Variants in ARHGAP8 observed in about 807,000 individuals in gnomAD.
ARHGAP8 encodes the protein rho GTPase-activating protein 8.
A neutral mutation model predicts 46.1 loss-of-function variants in ARHGAP8; 62 were observed. The ratio of observed to expected loss-of-function variants is 1.34; its 90% CI spans 1.10 to 1.66. ARHGAP8 has a LOEUF of 1.66. ARHGAP8 is among the 40% of genes most tolerant of loss of function. The probability of loss-of-function intolerance (pLI) is 0.00; values close to 1 mark genes in which losing one functional copy is unlikely to be tolerated. For missense variants in ARHGAP8, 923 were observed against 568.4 expected (o/e 1.62, Z -6.34); for synonymous variants, 375 against 243.1 (o/e 1.54, Z -5.05).
At chr22:44,843,373 C>G (rs1463006031) in intron 7 of ARHGAP8, among the ~76,000 whole-genome samples, 3 of 152,022 alleles carry the variant, frequency 2.0e-5, no homozygotes, top group East Asian at 3.8e-4. Flanking sequence ...GGGATCCTCA[C>G]AAAGGAATGA....
rs142745837 is a variant in ARHGAP8 at position 44,794,515 on chromosome 22, C to T, written c.80-7562C>T. 8.0e-3 allele frequency among the ~76,000 whole-genome samples: 1,216 copies of T among 152,138 alleles called. 20 individuals are homozygous for T. Among genetic ancestry groups the T allele is most frequent in the African/African-American group, 0.028 (1,170 of 41,480 alleles). ...CATGAAGTCAGGAGTTCGAGACCAGCCTGGCCAACATGGCGAAACCTCATC... is the reference window on the plus strand; with the variant it reads ...CATGAAGTCAGGAGTTCGAGACCAGTCTGGCCAACATGGCGAAACCTCATC... On this transcript the variant is annotated intron_variant, in intron 2 of 11. Transcript: ENST00000356099.
intron 1 of ARHGAP8, among the ~76,000 whole-genome samples, chr22:44,758,469 G>T (rs1450475238): frequency 6.6e-6 from 1 of 152,176 alleles, no homozygotes. Context: ...TGGGGGCTCC[G>T]TGAATCCCCA....
At chr22:44,814,844 T>A in intron 5 of ARHGAP8, 86 bp downstream of exon 5, 1 of 1,476,432 alleles carries the variant, frequency 6.8e-7, no homozygotes, top group Middle Eastern at 1.9e-4. Context: ...TATCCACGCA[T>A]CATGGAGGGC....
At chr22:44,796,347 G>A (rs1297230340) in intron 2 of ARHGAP8, among the ~76,000 whole-genome samples, 1 of 152,232 alleles carries the variant, frequency 6.6e-6, no homozygotes, top group Non-Finnish European at 1.5e-5. Context: ...AGCTGATGGT[G>A]GGCTGGGGTG....
chr22:44,784,686 T>C (rs1476361631), intron 1 of ARHGAP8, among the ~76,000 whole-genome samples: 2 of 152,160 alleles, frequency 1.3e-5, no homozygotes, highest in Non-Finnish European at 2.9e-5. Flanking sequence ...ATCCTTAACT[T>C]AATCCCCTCT....
chr22:44,844,256 T>C (rs9614580), intron 7 of ARHGAP8, among the ~76,000 whole-genome samples: 46,904 of 151,952 alleles, frequency 0.31, 8,436 homozygotes, highest in African/African-American at 0.49. Flanking sequence ...AGGCGTGAGC[T>C]ACTGTGCCCG....
At chr22:44,858,744 C>G (rs1451590943) in intron 10 of ARHGAP8, among the ~76,000 whole-genome samples, 2 of 121,386 alleles carry the variant, frequency 1.6e-5, no homozygotes, top group African/African-American at 3.0e-5. Context: ...TGGGGGGTCT[C>G]AGAGTGGGGG....
At chr22:44,801,858 T>G in intron 2 of ARHGAP8, 1 of 579,780 alleles carries the variant, frequency 1.7e-6, no homozygotes, top group South Asian at 2.2e-5. Flanking sequence ...AGTGGGGGGA[T>G]TATTTCCAGC....
chr22:44,806,141 TGAG>T (rs1928904120), intron 3 of ARHGAP8, among the ~76,000 whole-genome samples: 3 of 152,072 alleles, frequency 2.0e-5, no homozygotes, highest in African/African-American at 7.2e-5. Context: ...TCCTGAGAAG[TGAG>T]GAGGAGTGAA....
chr22:44,847,743 T>G (rs1354803715), intron 8 of ARHGAP8, among the ~76,000 whole-genome samples: 1 of 152,226 alleles, frequency 6.6e-6, no homozygotes, highest in Non-Finnish European at 1.5e-5. Flanking sequence ...AGAGCTGGAC[T>G]AGAGCCTAGG....
At chr22:44,838,048 G>A (rs1490604676) in intron 7 of ARHGAP8, among the ~76,000 whole-genome samples, 4 of 152,022 alleles carry the variant, frequency 2.6e-5, no homozygotes, top group East Asian at 1.9e-4. Flanking sequence ...GTCTCAGCTC[G>A]CTGCAGCCTC....
intron 1 of ARHGAP8, among the ~76,000 whole-genome samples, chr22:44,785,059 T>C (rs10854825): frequency 0.9 from 136,975 of 152,042 alleles, 61,867 homozygotes; most frequent in Non-Finnish European, 0.94. Flanking sequence ...CAGGGAGGTG[T>C]GGGAAGCAGC....
At position 44,798,605 on chromosome 22, in the gene ARHGAP8, A is replaced by G. The variant is rs9614573; in HGVS notation, c.80-3472A>G. On this transcript the variant is annotated intron_variant, in intron 2 of 11. Transcript: ENST00000356099. ...GGTTAGAGGTGGACTGAGCGGCCCC[A>G]CAGCCCCTTCCCTGAGGTCCACACC... 5.9e-3 allele frequency among the ~76,000 whole-genome samples: 845 copies of G among 144,154 alleles called. 2 individuals carry two copies. The highest frequency in any genetic ancestry group is 0.011 in the Middle Eastern group (3 of 278). The allele number at this position is 144,154 out of a possible 152,430, so 94.6% of individuals were successfully genotyped here.
At chr22:44,853,655 C>G (rs2070149617) in intron 10 of ARHGAP8, among the ~76,000 whole-genome samples, 1 of 152,202 alleles carries the variant, frequency 6.6e-6, no homozygotes, top group Admixed American at 6.5e-5. Flanking sequence ...CTTTTTAAGT[C>G]TACCTTGCTA....
chr22:44,851,311 A>T (rs6007322), intron 10 of ARHGAP8, among the ~76,000 whole-genome samples: 43,195 of 152,094 alleles, frequency 0.28, 7,661 homozygotes, highest in African/African-American at 0.5. Context: ...GTAACTTGTT[A>T]TTCTGACAAA....
At position 44,754,338 on chromosome 22, in the gene ARHGAP8, T is replaced by TTGTGTGTGTGTGTG. The variant is rs35257490; in HGVS notation, c.-72+1734_-72+1747dup. On this transcript the variant is annotated intron_variant, in intron 1 of 11. Transcript: ENST00000356099. ...ATAACATCATTGGGTCATTGAAACTTTGTGTGTGTGTGTGTGTGTGTGTGT... is the reference window on the plus strand; with the variant it reads ...ATAACATCATTGGGTCATTGAAACTTTGTGTGTGTGTGTGTGTGTGTGTGTGTGTGTGTGTGTGT... 4.7e-3 allele frequency among the ~76,000 whole-genome samples: 690 copies of TTGTGTGTGTGTGTG among 146,606 alleles called. 12 individuals are homozygous for TTGTGTGTGTGTGTG. The highest frequency in any genetic ancestry group is 0.015 in the African/African-American group (599 of 38,990).
At chr22:44,832,937 G>A (rs1005774136) in intron 7 of ARHGAP8, among the ~76,000 whole-genome samples, 10 of 151,566 alleles carry the variant, frequency 6.6e-5, no homozygotes, top group African/African-American at 2.4e-4. Flanking sequence ...GACTAGCCTG[G>A]ACAACATAGC....
At position 44,862,463 on chromosome 22, in the gene ARHGAP8, C is replaced by G. The variant is rs41278889; in HGVS notation, c.1170C>G (p.His390Gln). Residue 390 changes from histidine to glutamine, a missense_variant, in exon 12 of 12, where the codon CAC becomes CAG. Coordinates refer to ENST00000356099, the MANE Select transcript of ARHGAP8 (RefSeq NM_181335.3). ...IFSTPEAPGE[H>Q]GLAPWEQGSR... is the part of the protein sequence containing the mutation. ...GCACCCCGGAGGCACCTGGGGAGCA[C>G]GGCCTGGCACCATGGGAACAGGGGA... The G allele has an allele frequency of 8.1e-6, 13 of 1,613,850 alleles. No homozygotes were observed. The highest frequency in any genetic ancestry group is 4.0e-5 in the African/African-American group (3 of 74,896).
In ARHGAP8 at chr22:44,825,557, C is replaced by T. The variant is rs770428449; in HGVS notation, c.560C>T (p.Pro187Leu). 31 of 1,613,210 alleles carry T rather than the reference C, an allele frequency of 1.9e-5. No homozygotes were observed. The highest frequency in any genetic ancestry group is 1.6e-4 in the Middle Eastern group (1 of 6,080). Reference sequence around the variant, plus strand: ...ACCAAGACACCACCGCCGCGGCCCCCGCTGCCCACACAGCAGTTTGGCGTC... The same window carrying T: ...ACCAAGACACCACCGCCGCGGCCCCTGCTGCCCACACAGCAGTTTGGCGTC... ...PPTKTPPPRP[P>L]LPTQQFGVSL... Residue 187 changes from proline (P) to leucine (L), a missense_variant, in exon 7 of 12, where the codon CCG becomes CTG. Transcript: ENST00000356099.
Sources: allele counts gnomAD v4.1 joint callset (sites outside exome capture counted in the v4.1 genomes callset), GRCh38; gene constraint gnomAD v4.1.1; transcripts MANE v1.5; gene names NCBI Gene and HGNC (gene_info 2026-07-23, HGNC 2026-07-21).